The following PRKAG2 variants were observed in gnomAD, a reference collection of about 807,000 sequenced individuals.
The protein encoded by PRKAG2 is protein kinase AMP-activated non-catalytic subunit gamma 2, also known as 5'-AMP-activated protein kinase subunit gamma-2.
PRKAG2 carries 26 observed loss-of-function variants against 69.6 expected under a neutral mutation model. The ratio of observed to expected loss-of-function variants is 0.37; its 90% CI spans 0.27 to 0.52. PRKAG2 has a LOEUF of 0.52. Ranked by LOEUF, PRKAG2 falls within the 20% of genes least tolerant of loss-of-function variation. The probability of loss-of-function intolerance (pLI) is 0.90; values close to 1 mark genes in which losing one functional copy is unlikely to be tolerated. For missense variants in PRKAG2, 557 were observed against 740.0 expected, an observed-to-expected ratio of 0.75 and a Z score of 2.87; for synonymous variants, 293 against 285.0, an observed-to-expected ratio of 1.03 and a Z score of -0.28.
intron 1 of PRKAG2, among the ~76,000 whole-genome samples, chr7:151,821,696 A>G (rs1219089896): frequency 6.6e-6 from 1 of 152,170 alleles, no homozygotes; most frequent in Non-Finnish European, 1.5e-5. Context: ...TGAGCACACC[A>G]TGAAGGAGAA....
intron 1 of PRKAG2, among the ~76,000 whole-genome samples, chr7:151,860,898 G>A (rs773913919): frequency 2.6e-5 from 4 of 152,098 alleles, no homozygotes; most frequent in South Asian, 2.1e-4. Flanking sequence ...GCAGGCAGAC[G>A]AGACTCCAAG....
intron 4 of PRKAG2, among the ~76,000 whole-genome samples, chr7:151,636,855 C>A (rs1402171889): frequency 6.6e-6 from 1 of 152,142 alleles, no homozygotes; most frequent in East Asian, 1.9e-4. Flanking sequence ...CAGGTGCGCA[C>A]AACCATGCTC....
At chr7:151,826,638 A>G (rs1350201428) in intron 1 of PRKAG2, among the ~76,000 whole-genome samples, 3 of 152,236 alleles carry the variant, frequency 2.0e-5, no homozygotes, top group African/African-American at 7.2e-5. Context: ...GTATGCTATC[A>G]AGAAAAAGTA....
At chr7:151,661,155 T>C (rs1830252735) in intron 4 of PRKAG2, among the ~76,000 whole-genome samples, 1 of 152,240 alleles carries the variant, frequency 6.6e-6, no homozygotes, top group African/African-American at 2.4e-5. Context: ...GTGAAAGAAC[T>C]AGCCATGGGC....
intron 3 of PRKAG2, among the ~76,000 whole-genome samples, chr7:151,742,365 C>T (rs1210318437): frequency 1.3e-5 from 2 of 152,210 alleles, no homozygotes; most frequent in Admixed American, 6.5e-5. Context: ...CTGTGGCTCA[C>T]GCCTGTAATC....
intron 4 of PRKAG2, among the ~76,000 whole-genome samples, chr7:151,653,207 T>C (rs980318907): frequency 9.2e-5 from 14 of 152,134 alleles, no homozygotes; most frequent in Admixed American, 8.5e-4. Context: ...CTCAACCACA[T>C]CATTAGTAGT....
rs374397756 is a variant in PRKAG2 at position 151,851,354 on chromosome 7, G to GA, written c.114+25152dup. On this transcript the variant is annotated intron_variant, in intron 1 of 15. Transcript: ENST00000287878. ...TGGGGCCTCTGGCAAAAAAAAAAAA[G>GA]AAAAAAAAAAATCACTTCTGCTTTT... 3.5e-3 allele frequency among the ~76,000 whole-genome samples: 512 copies of GA among 144,648 alleles called. 2 individuals carry two copies. Among genetic ancestry groups the GA allele is most frequent in the African/African-American group, 0.012 (481 of 39,572 alleles). The allele number at this position is 144,648 out of a possible 152,430, so 94.9% of individuals were successfully genotyped here.
intron 4 of PRKAG2, among the ~76,000 whole-genome samples, chr7:151,648,913 T>C (rs2151388377): frequency 6.7e-6 from 1 of 149,506 alleles, no homozygotes; most frequent in Admixed American, 6.7e-5. Context: ...GATTTTTTTT[T>C]TTTCCTTTTT....
chr7:151,797,639 CCAT>C (rs2077623349), intron 1 of PRKAG2, among the ~76,000 whole-genome samples: 1 of 152,234 alleles, frequency 6.6e-6, no homozygotes, highest in South Asian at 2.1e-4. Context: ...TCCTTCTACT[CCAT>C]CTTGTTTCAC....
intron 4 of PRKAG2, among the ~76,000 whole-genome samples, chr7:151,660,494 C>A (rs1468325287): frequency 6.6e-6 from 1 of 152,170 alleles, no homozygotes; most frequent in Admixed American, 6.5e-5. Flanking sequence ...TAAATGCTCT[C>A]CAGGCTATAT....
At chr7:151,697,276 G>T (rs1268910024) in intron 3 of PRKAG2, among the ~76,000 whole-genome samples, 1 of 152,156 alleles carries the variant, frequency 6.6e-6, no homozygotes, top group Non-Finnish European at 1.5e-5. Flanking sequence ...TGCTCTTGGG[G>T]TCCCAACAGG....
At chr7:151,859,175 A>G (rs556510705) in intron 1 of PRKAG2, among the ~76,000 whole-genome samples, 11 of 152,368 alleles carry the variant, frequency 7.2e-5, no homozygotes, top group African/African-American at 2.4e-4. Context: ...ATCTGTGTGC[A>G]TCGTCCTGTG....
intron 1 of PRKAG2, among the ~76,000 whole-genome samples, chr7:151,831,052 A>G (rs2079015252): frequency 6.6e-6 from 1 of 152,152 alleles, no homozygotes; most frequent in African/African-American, 2.4e-5. Flanking sequence ...ACCCACTAGG[A>G]CAGCTAGAAC....
At chr7:151,750,628 ATGTGAGGTTTCCATTTGGGG>A (rs912309386) in intron 3 of PRKAG2, among the ~76,000 whole-genome samples, 1 of 152,126 alleles carries the variant, frequency 6.6e-6, no homozygotes, top group African/African-American at 2.4e-5. Flanking sequence ...GGGCTAAGGG[ATGTGAGGTTTCCATTTGGGG>A]TGATGAAACA....
intron 3 of PRKAG2, among the ~76,000 whole-genome samples, chr7:151,754,437 T>C (rs898868241): frequency 9.2e-5 from 14 of 152,214 alleles, no homozygotes; most frequent in African/African-American, 2.4e-4. Context: ...TCAGACCTCA[T>C]CAGCTGCCCT....
At chr7:151,808,663 T>C (rs777635839) in intron 1 of PRKAG2, among the ~76,000 whole-genome samples, 3 of 151,306 alleles carry the variant, frequency 2.0e-5, no homozygotes, top group Non-Finnish European at 2.9e-5. Context: ...ATGGTTCTCA[T>C]AGATCAAGTC....
At chr7:151,636,992 A>G (rs1446764687) in intron 4 of PRKAG2, among the ~76,000 whole-genome samples, 1 of 152,216 alleles carries the variant, frequency 6.6e-6, no homozygotes, top group Non-Finnish European at 1.5e-5. Flanking sequence ...GGCATGAGCC[A>G]CCACACCTGG....
intron 6 of PRKAG2, among the ~76,000 whole-genome samples, chr7:151,581,334 A>G (rs752297668): frequency 5.9e-5 from 9 of 152,222 alleles, no homozygotes; most frequent in Non-Finnish European, 1.2e-4. Context: ...TCAATACAGA[A>G]AGTAAACGAA....
intron 3 of PRKAG2, among the ~76,000 whole-genome samples, chr7:151,750,175 G>A (rs953421072): frequency 1.3e-5 from 2 of 151,882 alleles, no homozygotes; most frequent in African/African-American, 2.4e-5. Flanking sequence ...TTGCTGATGG[G>A]AATGTAAAAC....
Sources: allele counts gnomAD v4.1 joint callset (sites outside exome capture counted in the v4.1 genomes callset), GRCh38; gene constraint gnomAD v4.1.1; transcripts MANE v1.5; gene names NCBI Gene and HGNC (gene_info 2026-07-23, HGNC 2026-07-21).